Variants in MARCHF1 observed in about 807,000 individuals in gnomAD.
The protein encoded by MARCHF1 is E3 ubiquitin-protein ligase MARCHF1.
A neutral mutation model predicts 54.2 loss-of-function variants in MARCHF1; 40 were observed. The ratio of observed to expected loss-of-function variants is 0.74; its 90% CI spans 0.57 to 0.96. MARCHF1 has a LOEUF of 0.96. Ranked by LOEUF, MARCHF1 falls within the 40% of genes least tolerant of loss-of-function variation. The pLI, the probability that MARCHF1 is intolerant of heterozygous loss-of-function variation, is 0.00. For synonymous variants in MARCHF1, 236 were observed against 236.3 expected (o/e 1.00, Z 0.01); for missense variants, 586 against 656.5 (o/e 0.89, Z 1.17).
At chr4:163,673,388 T>C (rs1333644059) in intron 5 of MARCHF1, among the ~76,000 whole-genome samples, 1 of 152,230 alleles carries the variant, frequency 6.6e-6, no homozygotes, top group Non-Finnish European at 1.5e-5. Context: ...CCAGACCTTT[T>C]AATCAGCTTA....
rs527695155 is a variant in MARCHF1 at position 163,535,745 on chromosome 4, TAG to T, written c.1340-6701_1340-6700del. 1.7e-3 allele frequency among the ~76,000 whole-genome samples: 220 copies of T among 132,908 alleles called. 1 individual carries two copies. Among genetic ancestry groups the T allele is most frequent in the African/African-American group, 5.8e-3 (213 of 36,718 alleles). The allele number at this position is 132,908 out of a possible 152,430, so 87.2% of individuals were successfully genotyped here. Reference sequence around the variant, plus strand: ...GCAGAGAGTCCATGCATTTGGAATATAGAAGGGCTTTTTTTTTTTTTTCTTAA... The same window carrying T: ...GCAGAGAGTCCATGCATTTGGAATATAAGGGCTTTTTTTTTTTTTTCTTAA... On this transcript the variant is annotated intron_variant, in intron 9 of 9. Transcript: ENST00000514618.
intron 4 of MARCHF1, among the ~76,000 whole-genome samples, chr4:163,814,348 C>G (rs1748476138): frequency 6.6e-6 from 1 of 152,180 alleles, no homozygotes; most frequent in South Asian, 2.1e-4. Context: ...CTCCGCCCGA[C>G]TTCATTGCCC....
chr4:164,187,450 C>T (rs964499737), intron 1 of MARCHF1, among the ~76,000 whole-genome samples: 17 of 152,120 alleles, frequency 1.1e-4, no homozygotes, highest in Non-Finnish European at 2.2e-4. Flanking sequence ...GGCACAGACC[C>T]GCCATGTGTA....
At chr4:164,307,518 T>G (rs1471768848) in intron 1 of MARCHF1, among the ~76,000 whole-genome samples, 1 of 152,204 alleles carries the variant, frequency 6.6e-6, no homozygotes, top group Non-Finnish European at 1.5e-5. Context: ...GTAATCCTTG[T>G]GCTATCTCAG....
intron 4 of MARCHF1, among the ~76,000 whole-genome samples, chr4:163,841,075 G>T (rs1579330529): frequency 6.6e-6 from 1 of 152,080 alleles, no homozygotes; most frequent in Admixed American, 6.6e-5. Flanking sequence ...TTAGGTAAAA[G>T]AATGTAATTC....
At chr4:163,687,125 T>G (rs1744291956) in intron 5 of MARCHF1, among the ~76,000 whole-genome samples, 2 of 152,144 alleles carry the variant, frequency 1.3e-5, no homozygotes, top group African/African-American at 4.8e-5. Context: ...ATTGGAAATA[T>G]CAAGTTGGGG....
At chr4:164,053,425 C>T (rs1313048293) in intron 2 of MARCHF1, among the ~76,000 whole-genome samples, 1 of 151,984 alleles carries the variant, frequency 6.6e-6, no homozygotes, top group African/African-American at 2.4e-5. Context: ...TAGAAAAAGC[C>T]CTCATACAGT....
chr4:164,263,346 A>ATTG (rs1239352248), intron 1 of MARCHF1, among the ~76,000 whole-genome samples: 1 of 152,218 alleles, frequency 6.6e-6, no homozygotes, highest in African/African-American at 2.4e-5. Context: ...ATACATATAT[A>ATTG]CACACATATA....
rs199679772 is a variant in MARCHF1 at position 163,929,509 on chromosome 4, AGCTCT to A, written c.-39+58987_-39+58991del. On this transcript the variant is annotated intron_variant, in intron 3 of 9. Coordinates refer to ENST00000514618, the MANE Select transcript of MARCHF1 (RefSeq NM_001394959.1). ...ATTGACTTAACAATTTTTTCAGAAA[AGCTCT>A]TACAGTTCATTTTTGCCAATTAAGT... Among the ~76,000 whole-genome samples the A allele has an allele frequency of 5.0e-3, 759 of 152,122 alleles. 2 individuals carry two copies. The highest frequency in any genetic ancestry group is 0.013 in the Admixed American group (194 of 15,238).
intron 3 of MARCHF1, among the ~76,000 whole-genome samples, chr4:163,959,899 A>C (rs1354494504): frequency 6.6e-6 from 1 of 152,064 alleles, no homozygotes; most frequent in East Asian, 1.9e-4. Context: ...ATGGGAGAAA[A>C]TATTTGTAAC....
intron 5 of MARCHF1, among the ~76,000 whole-genome samples, chr4:163,617,900 T>C (rs1741565439): frequency 6.6e-6 from 1 of 152,164 alleles, no homozygotes; most frequent in Non-Finnish European, 1.5e-5. Flanking sequence ...AAAATAGACA[T>C]GATCATAATA....
chr4:163,567,659 T>C (rs1739690974), intron 8 of MARCHF1, among the ~76,000 whole-genome samples: 1 of 152,160 alleles, frequency 6.6e-6, no homozygotes, highest in African/African-American at 2.4e-5. Context: ...TTCTCCTGTC[T>C]GCCGCCATGT....
intron 1 of MARCHF1, among the ~76,000 whole-genome samples, chr4:164,278,312 A>T (rs1223056417): frequency 6.6e-6 from 1 of 152,200 alleles, no homozygotes; most frequent in African/African-American, 2.4e-5. Flanking sequence ...CCTGTCTCAA[A>T]AACAAAAGAA....
At chr4:164,333,488 T>A (rs7669221) in intron 1 of MARCHF1, among the ~76,000 whole-genome samples, 99,901 of 152,000 alleles carry the variant, frequency 0.66, 33,157 homozygotes, top group Admixed American at 0.72. Flanking sequence ...GTGATCTGTG[T>A]CTAGAAATTT....
intron 4 of MARCHF1, among the ~76,000 whole-genome samples, chr4:163,766,724 T>G (rs911121512): frequency 6.6e-6 from 1 of 152,186 alleles, no homozygotes; most frequent in African/African-American, 2.4e-5. Flanking sequence ...GGAAATTTCC[T>G]CAAAGAGACA....
intron 1 of MARCHF1, among the ~76,000 whole-genome samples, chr4:164,161,651 C>A (rs999950301): frequency 6.6e-6 from 1 of 152,080 alleles, no homozygotes; most frequent in Non-Finnish European, 1.5e-5. Flanking sequence ...AATTGTTAAA[C>A]CTCATAAACT....
Position 163,528,544 on chromosome 4 carries a change from T to C in MARCHF1, c.*204A>G. ...AACTTCACATTTCCATATCATACTT[T>C]ACTTTACGCTATTACTTCATGGGCT... On this transcript the variant is annotated 3_prime_UTR_variant, in exon 10 of 10. Transcript: ENST00000514618. 1.9e-6 allele frequency: 1 copy of C among 537,282 alleles called. No homozygotes were observed. Among genetic ancestry groups the C allele is most frequent in the Non-Finnish European group, 3.3e-6 (1 of 306,210 alleles). The allele number at this position is 537,282 out of a possible 1,614,324, so 33.3% of individuals were successfully genotyped here. A position where few individuals can be genotyped will look rare whatever the true frequency, so the allele number is the denominator to read the frequency against.
At chr4:163,742,631 C>A (rs1746240107) in intron 4 of MARCHF1, among the ~76,000 whole-genome samples, 1 of 146,488 alleles carries the variant, frequency 6.8e-6, no homozygotes, top group Non-Finnish European at 1.5e-5. Context: ...TGCACACCAC[C>A]ATGCCTGCCT....
intron 1 of MARCHF1, among the ~76,000 whole-genome samples, chr4:164,300,274 A>G (rs1278440803): frequency 6.6e-6 from 1 of 152,098 alleles, no homozygotes; most frequent in African/African-American, 2.4e-5. Context: ...TCAGACAATA[A>G]ATCATACACG....
Sources: gnomAD v4.1 joint callset for allele counts (sites outside exome capture counted in the v4.1 genomes callset) on GRCh38, gnomAD v4.1.1 for gene constraint, MANE v1.5 for transcripts, NCBI Gene and HGNC (gene_info 2026-07-23, HGNC 2026-07-21) for gene names.